The following DDX60L variants were observed in gnomAD, a reference collection of about 807,000 sequenced individuals.
DDX60L encodes DExD/H-box 60 like, also known as probable ATP-dependent RNA helicase DDX60-like.
In DDX60L, 191 loss-of-function variants were observed where a neutral mutation model predicts 211.6. The ratio of observed to expected loss-of-function variants is 0.90; its 90% confidence interval spans 0.80 to 1.02. The LOEUF is 1.02. Among genes scored for constraint, DDX60L ranks in the 50% least tolerant of loss-of-function variants. The pLI is 0.00. For missense variants in DDX60L, 2,007 were observed against 1,984.1 expected (o/e 1.01, Z -0.22); for synonymous variants, 706 against 694.1 (o/e 1.02, Z -0.27).
At chr4:168,447,103 A>C (rs1301630408) in intron 9 of DDX60L, among the ~76,000 whole-genome samples, 98 of 125,172 alleles carry the variant, frequency 7.8e-4, no homozygotes, top group African/African-American at 2.6e-3. Context: ...CAACCTACAA[A>C]ATGGGAGAAA....
chr4:168,427,432 A>G lies in DDX60L; in HGVS notation c.1678-110T>C, dbSNP rs549218713. 16 of 1,191,912 alleles carry G rather than the reference A, an allele frequency of 1.3e-5. No homozygotes were observed. In the South Asian group the frequency reaches 2.4e-4, roughly 18 times the overall value. 73.8% of individuals were successfully genotyped at this position (1,191,912 alleles called of 1,614,324 possible). ...TACTGAGGACTCTGGCCATCATTCT[A>G]CTCGTGCACAGGCAAGAATTCTTAA... is the stretch of plus-strand genomic sequence containing the variant. On this transcript the variant is annotated intron_variant, in intron 13 of 37. Coordinates refer to ENST00000682922, the MANE Select transcript of DDX60L (RefSeq NM_001012967.3).
At position 168,401,073 on chromosome 4, in the gene DDX60L, T is replaced by C. The variant is rs532065083; in HGVS notation, c.3339-95A>G. ...TTATAAGGCCCCTCAATCATCTGAA[T>C]AGACTTCATCCTAGGCCAGGGCACT... On this transcript the variant is annotated intron_variant, in intron 25 of 37. Coordinates refer to ENST00000682922, the MANE Select transcript of DDX60L (RefSeq NM_001012967.3). 4.9e-5 allele frequency: 56 copies of C among 1,149,426 alleles called. No homozygotes were observed. The East Asian group carries it at 1.1e-3, about 23-fold the overall frequency. The allele number at this position is 1,149,426 out of a possible 1,614,324, so 71.2% of individuals were successfully genotyped here. A position where few individuals can be genotyped will look rare whatever the true frequency, so the allele number is the denominator to read the frequency against.
In DDX60L at chr4:168,472,444, A is replaced by G. The variant is rs13149639; in HGVS notation, c.74+11T>C. The G allele has an allele frequency of 0.77, 1,188,302 of 1,544,276 alleles. 461,215 individuals carry two copies. Among genetic ancestry groups the G allele is most frequent in the East Asian group, 0.87 (36,267 of 41,538 alleles). The stretch of plus-strand genomic sequence containing the variant: ...AGTATAGCTCCTTCTTTTTTACTTC[A>G]CAGTACTTACCCAGCTTTTGGCATT... On this transcript the variant is annotated intron_variant, in intron 3 of 37. Coordinates refer to ENST00000682922, the MANE Select transcript of DDX60L (RefSeq NM_001012967.3).
chr4:168,430,524 G>C lies in DDX60L; in HGVS notation c.1631C>G (p.Thr544Ser), dbSNP rs752317369. Reference sequence around the variant, plus strand: ...ACCACTGGAATCCTCCTTTGGCCGAGTAGTTTGAGTCACAATGACTTTCGT... The same window carrying C: ...ACCACTGGAATCCTCCTTTGGCCGACTAGTTTGAGTCACAATGACTTTCGT... ...ISTKVIVTQT[T>S]RPKEDSSGAS... The change falls in exon 13 of 38, where the codon ACT (threonine) becomes AGT (serine). Residue 544 changes from threonine to serine, a missense_variant. Transcript: ENST00000682922. The C allele has an allele frequency of 1.9e-6, 3 of 1,610,660 alleles. No homozygotes were observed. In the South Asian group the frequency reaches 3.3e-5, roughly 18 times the overall value.
intron 17 of DDX60L, among the ~76,000 whole-genome samples, chr4:168,421,413 A>G (rs1024695467): frequency 2.6e-5 from 4 of 152,216 alleles, no homozygotes; most frequent in African/African-American, 9.6e-5. Flanking sequence ...TAATCCCAAC[A>G]CTTCAGGAGG....
intron 13 of DDX60L, 72 bp from the exon 14 acceptor site, chr4:168,427,394 T>C (rs1751635551): frequency 8.6e-6 from 13 of 1,512,406 alleles, no homozygotes; most frequent in Non-Finnish European, 1.1e-5. Context: ...AGTGAGATTA[T>C]TTTTTGTGCA....
intron 24 of DDX60L, among the ~76,000 whole-genome samples, chr4:168,405,406 T>C (rs928716455): frequency 1.3e-5 from 2 of 152,186 alleles, no homozygotes; most frequent in African/African-American, 2.4e-5. Context: ...GCATCAATGT[T>C]ATGCTCAAAG....
chr4:168,471,718 C>A, intron 4 of DDX60L, 29 bp downstream of exon 4: 1 of 1,556,660 alleles, frequency 6.4e-7, no homozygotes, highest in Admixed American at 2.1e-5. Flanking sequence ...CTTCAAAGGA[C>A]TAAAACGACA....
rs186330109 is a variant in DDX60L, at chr4:168,391,419, T to C, written c.3915+121A>G. The C allele has an allele frequency of 5.4e-5, 36 of 665,106 alleles. No homozygotes were observed. In the East Asian group the frequency reaches 9.4e-4, roughly 17 times the overall value. 41.2% of individuals were successfully genotyped at this position (665,106 alleles called of 1,614,324 possible). On this transcript the variant is annotated intron_variant, in intron 29 of 37. Transcript: ENST00000682922. ...GAGGCCACTCAACTCAAAAATGCTA[T>C]GCCACATAGAAAGTAAAAGGAAGGA...
intron 1 of DDX60L, among the ~76,000 whole-genome samples, chr4:168,475,253 A>G (rs913150345): frequency 1.3e-5 from 2 of 152,230 alleles, no homozygotes; most frequent in African/African-American, 4.8e-5. Flanking sequence ...AAACTGCTTA[A>G]AAAGCACCTG....
chr4:168,361,186 A>T lies in DDX60L; in HGVS notation c.4954T>A (p.Cys1652Ser). The change falls in exon 37 of 38, where the codon TGT (cysteine) becomes AGT (serine). Residue 1652 changes from cysteine (C) to serine (S), a missense_variant. By Grantham distance (112) the Cys-to-Ser change is moderately radical. Transcript: ENST00000682922. ...NGMRMGQLLK[C>S]LKDFAFNIQA... ...ATGTTGAATGCAAAATCTTTCAAACACTTTAAAAGCTGTCCCATACGCATC... is the reference window on the plus strand; with the variant it reads ...ATGTTGAATGCAAAATCTTTCAAACTCTTTAAAAGCTGTCCCATACGCATC... The T allele has an allele frequency of 6.2e-7, 1 of 1,608,092 alleles. No homozygotes were observed.
intron 4 of DDX60L, among the ~76,000 whole-genome samples, chr4:168,467,783 T>C (rs1478412562): frequency 6.6e-6 from 1 of 152,198 alleles, no homozygotes; most frequent in African/African-American, 2.4e-5. Flanking sequence ...CATAAAGACT[T>C]TTTCAGAAAA....
At chr4:168,383,781 T>C (rs1715676710) in intron 30 of DDX60L, among the ~76,000 whole-genome samples, 1 of 152,200 alleles carries the variant, frequency 6.6e-6, no homozygotes, top group Admixed American at 6.5e-5. Context: ...TTCACACCTG[T>C]AATCTCAACA....
At chr4:168,414,898 T>C (rs568404023) in intron 22 of DDX60L, among the ~76,000 whole-genome samples, 28 of 149,848 alleles carry the variant, frequency 1.9e-4, no homozygotes, top group Non-Finnish European at 3.8e-4. Flanking sequence ...GAATGGTTAA[T>C]GAGCACAAAA....
At chr4:168,368,819 C>A (rs1178882582) in intron 36 of DDX60L, among the ~76,000 whole-genome samples, 1 of 152,218 alleles carries the variant, frequency 6.6e-6, no homozygotes, top group African/African-American at 2.4e-5. Flanking sequence ...TAAGATTTGA[C>A]TGCCCTGCTG....
chr4:168,429,223 C>T (rs1751951663), intron 13 of DDX60L, among the ~76,000 whole-genome samples: 1 of 152,118 alleles, frequency 6.6e-6, no homozygotes, highest in South Asian at 2.1e-4. Context: ...TGGCTCACTG[C>T]AACCTCCACC....
intron 10 of DDX60L, among the ~76,000 whole-genome samples, chr4:168,435,570 A>G (rs529908292): frequency 2.0e-5 from 3 of 152,184 alleles, no homozygotes; most frequent in Non-Finnish European, 4.4e-5. Flanking sequence ...GCAAAATAAT[A>G]TACCTCCTGG....
At position 168,403,995 on chromosome 4, in the gene DDX60L, C is replaced by G; in HGVS notation, c.3325G>C (p.Ala1109Pro). ...TCAGTTACTTACAAAAAAAATATTG[C>G]AGGCAACTTATCCATTTGTCTTAAC... The part of the protein sequence containing the change: ...EKLRQMDKLP[A>P]IFFLFKNDDV... The change falls in exon 25 of 38, where the codon GCA becomes CCA. Residue 1109 changes from alanine (A) to proline (P), a missense_variant. Coordinates refer to ENST00000682922, the MANE Select transcript of DDX60L (RefSeq NM_001012967.3). The G allele has an allele frequency of 6.9e-7, 1 of 1,458,290 alleles. No individual in the cohort carries two copies. Among genetic ancestry groups the G allele is most frequent in the Non-Finnish European group, 9.2e-7 (1 of 1,088,616 alleles). The allele number at this position is 1,458,290 out of a possible 1,614,324, so 90.3% of individuals were successfully genotyped here.
chr4:168,372,793 C>A (rs1025497925), intron 35 of DDX60L, among the ~76,000 whole-genome samples: 3 of 151,832 alleles, frequency 2.0e-5, no homozygotes, highest in Non-Finnish European at 4.4e-5. Flanking sequence ...AGGGAAGATA[C>A]AAAAGTTCAA....
Sources: allele counts gnomAD v4.1 joint callset (sites outside exome capture counted in the v4.1 genomes callset), GRCh38; gene constraint gnomAD v4.1.1; transcripts MANE v1.5; gene names NCBI Gene and HGNC (gene_info 2026-07-23, HGNC 2026-07-21).